The following SGCZ variants were observed in gnomAD, a reference collection of about 807,000 sequenced individuals.
SGCZ encodes zeta-sarcoglycan.
A neutral mutation model predicts 41.3 loss-of-function variants in SGCZ; 40 were observed. That is an observed-to-expected ratio of 0.97 (90% CI 0.75 to 1.26). The LOEUF (loss-of-function observed/expected upper bound fraction) is 1.26. Among genes scored for constraint, SGCZ ranks in the 50% most tolerant of loss-of-function variants. The pLI is 0.00. For missense variants in SGCZ, 552 were observed against 369.8 expected (o/e 1.49, Z -4.04); for synonymous variants, 206 against 137.5 (o/e 1.50, Z -3.49).
intron 1 of SGCZ, among the ~76,000 whole-genome samples, chr8:14,686,171 C>A (rs1808604002): frequency 6.6e-6 from 1 of 152,104 alleles, no homozygotes; most frequent in African/African-American, 2.4e-5. Context: ...GCCCTCCAAT[C>A]ACTTTATTGA....
chr8:15,103,619 C>T (rs1387751010), intron 1 of SGCZ, among the ~76,000 whole-genome samples: 1 of 151,990 alleles, frequency 6.6e-6, no homozygotes, highest in Admixed American at 6.5e-5. Flanking sequence ...GAAGATTCAT[C>T]TGGTTTGAGT....
At chr8:14,674,903 G>A (rs1184510866) in intron 1 of SGCZ, among the ~76,000 whole-genome samples, 1 of 140,042 alleles carries the variant, frequency 7.1e-6, no homozygotes, top group Non-Finnish European at 1.5e-5. Flanking sequence ...TGTACAGTGA[G>A]CCAATTTAAC....
At chr8:14,793,834 G>C (rs1471655364) in intron 1 of SGCZ, among the ~76,000 whole-genome samples, 1 of 152,106 alleles carries the variant, frequency 6.6e-6, no homozygotes, top group Admixed American at 6.6e-5. Context: ...GAAAGAAGCT[G>C]AAATAGAGGA....
intron 1 of SGCZ, among the ~76,000 whole-genome samples, chr8:14,835,356 A>G (rs1563303544): frequency 6.6e-6 from 1 of 152,228 alleles, no homozygotes; most frequent in Non-Finnish European, 1.5e-5. Flanking sequence ...AAAACCATTA[A>G]CCAAAATGAT....
At chr8:14,889,619 A>G (rs1255061021) in intron 1 of SGCZ, among the ~76,000 whole-genome samples, 1 of 152,102 alleles carries the variant, frequency 6.6e-6, no homozygotes, top group Admixed American at 6.6e-5. Flanking sequence ...TGTATTACAT[A>G]TTTTTGAAGT....
chr8:14,973,394 G>T (rs940099548), intron 1 of SGCZ, among the ~76,000 whole-genome samples: 4 of 152,114 alleles, frequency 2.6e-5, no homozygotes, highest in African/African-American at 9.7e-5. Context: ...AAGCCAACTA[G>T]CAAACATAAG....
At chr8:15,231,546 T>C (rs2117208074) in intron 1 of SGCZ, among the ~76,000 whole-genome samples, 1 of 151,336 alleles carries the variant, frequency 6.6e-6, no homozygotes, top group Non-Finnish European at 1.5e-5. Flanking sequence ...CCCATGTTTC[T>C]AGACATTTGC....
At chr8:14,708,423 C>T (rs546419117) in intron 1 of SGCZ, among the ~76,000 whole-genome samples, 5 of 151,600 alleles carry the variant, frequency 3.3e-5, no homozygotes, top group African/African-American at 4.8e-5. Flanking sequence ...GCAGTCACTC[C>T]CATATGTTCT....
intron 1 of SGCZ, among the ~76,000 whole-genome samples, chr8:14,627,729 T>C (rs1806510242): frequency 6.7e-6 from 1 of 149,434 alleles, no homozygotes; most frequent in Admixed American, 6.7e-5. Context: ...GAAAAACATA[T>C]TCAGTCTCAA....
In SGCZ at chr8:14,586,309, G is replaced by C. The variant is rs915723444; in HGVS notation, c.40-31383C>G. Among the ~76,000 whole-genome samples the C allele has an allele frequency of 3.9e-5, 6 of 152,124 alleles. No individual in the cohort carries two copies. The South Asian group carries it at 6.2e-4, about 16-fold the overall frequency. On this transcript the variant is annotated intron_variant, in intron 1 of 7. Coordinates refer to ENST00000382080, the MANE Select transcript of SGCZ (RefSeq NM_139167.4). Reference sequence around the variant, plus strand: ...GTTGACTGCAAACTCTACCTCCTGGGCTCAAGTGATTCTTGTGTCTCAGAC... The same window carrying C: ...GTTGACTGCAAACTCTACCTCCTGGCCTCAAGTGATTCTTGTGTCTCAGAC...
intron 1 of SGCZ, among the ~76,000 whole-genome samples, chr8:14,957,459 G>C (rs143977183): frequency 6.6e-6 from 1 of 151,760 alleles, no homozygotes; most frequent in Non-Finnish European, 1.5e-5. Context: ...TGGTCTTACC[G>C]ATTCTCAAAA....
chr8:15,008,513 C>T (rs1802688326), intron 1 of SGCZ, among the ~76,000 whole-genome samples: 1 of 90,822 alleles, frequency 1.1e-5, no homozygotes, highest in African/African-American at 4.3e-5. Flanking sequence ...TTAACTGGGC[C>T]TGTATAAAGG....
intron 1 of SGCZ, among the ~76,000 whole-genome samples, chr8:15,214,881 C>T (rs1801348764): frequency 6.6e-6 from 1 of 152,112 alleles, no homozygotes; most frequent in South Asian, 2.1e-4. Flanking sequence ...AAATGAAGAG[C>T]AGGTGTTCTT....
chr8:14,452,708 T>C (rs964891676), intron 2 of SGCZ, among the ~76,000 whole-genome samples: 2 of 152,208 alleles, frequency 1.3e-5, no homozygotes, highest in East Asian at 1.9e-4. Flanking sequence ...AGGGTGTATA[T>C]TGGAACTCTT....
intron 5 of SGCZ, among the ~76,000 whole-genome samples, chr8:14,110,393 C>T (rs1390307818): frequency 1.3e-5 from 2 of 152,044 alleles, no homozygotes; most frequent in African/African-American, 2.4e-5. Context: ...GGCATACTTA[C>T]TAAGCACAAA....
Position 14,090,340 on chromosome 8 carries a change from A to G in SGCZ, c.*103T>C. The G allele has an allele frequency of 1.6e-6, 2 of 1,265,834 alleles. No individual in the cohort carries two copies. The highest frequency in any genetic ancestry group is 2.2e-6 in the Non-Finnish European group (2 of 928,630). The allele number at this position is 1,265,834 out of a possible 1,614,324, so 78.4% of individuals were successfully genotyped here. The stretch of plus-strand genomic sequence containing the variant: ...CACACTGGAAGTTGCTCTGTGGACC[A>G]TTCGAAGAAGCTCTGGACTGATCAC... On this transcript the variant is annotated 3_prime_UTR_variant, in exon 8 of 8. Transcript: ENST00000382080.
At chr8:14,623,519 A>G (rs896216545) in intron 1 of SGCZ, among the ~76,000 whole-genome samples, 2 of 152,162 alleles carry the variant, frequency 1.3e-5, no homozygotes, top group African/African-American at 2.4e-5. Context: ...CAGGAGGGGA[A>G]AAAATTACTT....
intron 3 of SGCZ, among the ~76,000 whole-genome samples, chr8:14,291,269 G>A (rs1280464784): frequency 1.3e-5 from 2 of 151,992 alleles, no homozygotes; most frequent in Admixed American, 6.6e-5. Context: ...ATAATGTATT[G>A]TACATTTCAA....
chr8:15,167,823 T>A lies in SGCZ; in HGVS notation c.39+69762A>T, dbSNP rs143148465. On this transcript the variant is annotated intron_variant, in intron 1 of 7. Coordinates refer to ENST00000382080, the MANE Select transcript of SGCZ (RefSeq NM_139167.4). ...TGTTCCTGTGAACCAACCAGCAACC[T>A]CTGGCTGTAGATCAGAAAGAACACG... is the stretch of plus-strand genomic sequence containing the variant. 1.4e-3 allele frequency among the ~76,000 whole-genome samples: 214 copies of A among 152,314 alleles called. 8 individuals are homozygous for A. In the East Asian group the frequency reaches 0.036, roughly 26 times the overall value.
Sources: allele counts gnomAD v4.1 joint callset (sites outside exome capture counted in the v4.1 genomes callset), GRCh38; gene constraint gnomAD v4.1.1; transcripts MANE v1.5; gene names NCBI Gene and HGNC (gene_info 2026-07-23, HGNC 2026-07-21).